The following TYMS variants were observed in gnomAD, a reference collection of about 807,000 sequenced individuals.
TYMS encodes the protein thymidylate synthetase.
In TYMS, 21 loss-of-function variants were observed where a neutral mutation model predicts 39.3. The ratio of observed to expected loss-of-function variants is 0.54; its 90% CI spans 0.38 to 0.77. The LOEUF (loss-of-function observed/expected upper bound fraction) is 0.77, where lower values mean the gene tolerates loss of function less well. TYMS is among the 30% of genes least tolerant of loss of function. The pLI, the probability that TYMS is intolerant of heterozygous loss-of-function variation, is 0.00. For missense variants in TYMS, 273 were observed against 406.7 expected, an observed-to-expected ratio of 0.67 and a Z score of 2.83; for synonymous variants, 171 against 162.2, an observed-to-expected ratio of 1.05 and a Z score of -0.41.
chr18:667,005 TGATGGTGATGGAGATGGA>T (rs1567989782), intron 3 of TYMS, among the ~76,000 whole-genome samples: 360 of 4,924 alleles, frequency 0.073, 43 homozygotes, highest in Middle Eastern at 0.17. Flanking sequence ...ATGGAGATGG[TGATGGTGATGGAGATGGA>T]GATGGTGATG....
At chr18:659,202 G>A (rs1053537724) in intron 1 of TYMS, among the ~76,000 whole-genome samples, 8 of 152,266 alleles carry the variant, frequency 5.3e-5, no homozygotes, top group Admixed American at 3.3e-4. Context: ...GCGGATGAAC[G>A]AGGACTGCAT....
chr18:669,366 ATTTTT>A (rs68090938), intron 4 of TYMS, 193 bp downstream of exon 4: 670 of 191,712 alleles, frequency 3.5e-3, no homozygotes, highest in Middle Eastern at 0.017. Context: ...GGCCCAGAGG[ATTTTT>A]TTTTTTTTTT....
chr18:672,598 A>G (rs1598484529), intron 6 of TYMS: 3 of 296,128 alleles, frequency 1.0e-5, no homozygotes, highest in East Asian at 5.2e-5. Context: ...AAGAGTGGTT[A>G]TAAGAACTTA....
In TYMS at chr18:657,672, C is replaced by T; in HGVS notation, c.-71C>T. On this transcript the variant is annotated 5_prime_UTR_variant, in exon 1 of 7. Transcript: ENST00000323274. ...CGCGCCACTTGGCCTGCCTCCGTCC[C>T]GCCGCGCCACTTGGCCTGCCTCCGT... 3 of 369,102 alleles carry T rather than the reference C, an allele frequency of 8.1e-6. No individual in the cohort carries two copies. Among genetic ancestry groups the T allele is most frequent in the East Asian group, 5.4e-5 (1 of 18,598 alleles). The allele number at this position is 369,102 out of a possible 1,614,324, so 22.9% of individuals were successfully genotyped here. A position where few individuals can be genotyped will look rare whatever the true frequency, so the allele number is the denominator to read the frequency against.
At chr18:666,606 A>AC (rs1470134235) in intron 3 of TYMS, among the ~76,000 whole-genome samples, 1 of 152,186 alleles carries the variant, frequency 6.6e-6, no homozygotes, top group East Asian at 1.9e-4. Context: ...GTCTCATCTA[A>AC]GGGGACAGTC....
At chr18:665,227 TCTTC>T (rs1230058229) in intron 3 of TYMS, among the ~76,000 whole-genome samples, 1 of 151,092 alleles carries the variant, frequency 6.6e-6, no homozygotes, top group African/African-American at 2.4e-5. Flanking sequence ...AGATTCAACT[TCTTC>T]CTGGTTTAGT....
chr18:670,873 C>T lies in TYMS; in HGVS notation c.732+6C>T, dbSNP rs776066230. The T allele has an allele frequency of 1.5e-5, 24 of 1,613,666 alleles. No homozygotes were observed. The highest frequency in any genetic ancestry group is 1.9e-5 in the Non-Finnish European group (23 of 1,179,756). ...CGCACATCACGGGCCTGAAGGTGGG[C>T]TGTCTCGGGAAGGGTGACTTGCCAG... On this transcript the variant is annotated splice_donor_region_variant and intron_variant, in intron 5 of 6. Transcript: ENST00000323274.
intron 3 of TYMS, among the ~76,000 whole-genome samples, chr18:667,949 T>TAG (rs2144325354): frequency 6.6e-6 from 1 of 152,052 alleles, no homozygotes; most frequent in African/African-American, 2.4e-5. Context: ...GTAGGAAAGT[T>TAG]TGTCCCTTTT....
intron 3 of TYMS, among the ~76,000 whole-genome samples, chr18:666,987 T>A (rs868798037): frequency 0.046 from 234 of 5,126 alleles, 12 homozygotes; most frequent in Admixed American, 0.087. Context: ...ATGGAGATGG[T>A]GATGGTGATG....
At chr18:661,514 T>C (rs2074755366) in intron 2 of TYMS, among the ~76,000 whole-genome samples, 2 of 152,234 alleles carry the variant, frequency 1.3e-5, no homozygotes, top group African/African-American at 4.8e-5. Context: ...GACAACACAT[T>C]TCATTAAGAA....
In TYMS at chr18:673,177, C is replaced by T. The variant is rs1055381821; in HGVS notation, c.*180C>T. On this transcript the variant is annotated 3_prime_UTR_variant, in exon 7 of 7. Transcript: ENST00000323274. ...GCAAATGTAACTGTGCCAGTTCTTT[C>T]CATAATAAAAGGCTTTGAGTTAACT... 1 of 585,020 alleles carries T rather than the reference C, an allele frequency of 1.7e-6. No homozygotes were observed. Among genetic ancestry groups the T allele is most frequent in the Non-Finnish European group, 2.7e-6 (1 of 369,232 alleles). The allele number at this position is 585,020 out of a possible 1,614,324, so 36.2% of individuals were successfully genotyped here. A position where few individuals can be genotyped will look rare whatever the true frequency, so the allele number is the denominator to read the frequency against.
rs1383033055 is a variant in TYMS, at chr18:658,312, CTCAAAG to C, written c.205+368_205+373del. On this transcript the variant is annotated intron_variant, in intron 1 of 6. Coordinates refer to ENST00000323274, the MANE Select transcript of TYMS (RefSeq NM_001071.4). The surrounding 1 kb of genome is among the most constrained non-coding windows in gnomAD (Gnocchi z 4.5). ...TGCCTGGGCTTGACCGCGCGCCGGT[CTCAAAG>C]TCCTGGCTTTGGCCCCTCCTCCGTT... 1.4e-6 allele frequency: 2 copies of C among 1,380,042 alleles called. No individual in the cohort carries two copies. The highest frequency in any genetic ancestry group is 1.9e-6 in the Non-Finnish European group (2 of 1,039,118). 85.5% of individuals were successfully genotyped at this position (1,380,042 alleles called of 1,614,324 possible).
Position 658,143 on chromosome 18 carries a change from AAC to A in TYMS, c.205+204_205+205del. 6.3e-7 allele frequency: 1 copy of A among 1,586,370 alleles called. No individual in the cohort carries two copies. The highest frequency in any genetic ancestry group is 8.6e-7 in the Non-Finnish European group (1 of 1,169,376). On this transcript the variant is annotated intron_variant, in intron 1 of 6. Transcript: ENST00000323274. The surrounding 1 kb of genome is among the most constrained non-coding windows in gnomAD (Gnocchi z 4.5). ...CATTAGGGACGTGACTGGCGCGGGC[AAC>A]ACACACAGCAGCGACAGCCGGGAGG...
At chr18:659,466 C>G (rs144257651) in intron 1 of TYMS, among the ~76,000 whole-genome samples, 175 bp from the exon 2 acceptor site, 14 of 152,298 alleles carry the variant, frequency 9.2e-5, no homozygotes, top group Non-Finnish European at 2.1e-4. Flanking sequence ...AATCGGGCCA[C>G]TGATGGGACT....
intron 2 of TYMS, among the ~76,000 whole-genome samples, chr18:661,081 A>C (rs1198639014): frequency 6.6e-6 from 1 of 152,240 alleles, no homozygotes; most frequent in Non-Finnish European, 1.5e-5. Flanking sequence ...GTCTGAATGG[A>C]TGAAAAGGAG....
At chr18:664,652 G>C (rs78060943) in intron 3 of TYMS, among the ~76,000 whole-genome samples, 73,607 of 139,320 alleles carry the variant, frequency 0.53, 20,808 homozygotes, top group African/African-American at 0.76. Context: ...TTGGCTGTGG[G>C]TTTGTCATAG....
Position 657,697 on chromosome 18 carries a change from T to TCCCG in TYMS, c.-43_-40dup, listed in dbSNP as rs2074700309. 3 of 1,268,768 alleles carry TCCCG rather than the reference T, an allele frequency of 2.4e-6. No individual in the cohort carries two copies. Among genetic ancestry groups the TCCCG allele is most frequent in the Non-Finnish European group, 3.0e-6 (3 of 997,074 alleles). The allele number at this position is 1,268,768 out of a possible 1,614,324, so 78.6% of individuals were successfully genotyped here. On this transcript the variant is annotated 5_prime_UTR_variant, in exon 1 of 7. Coordinates refer to ENST00000323274, the MANE Select transcript of TYMS (RefSeq NM_001071.4). The stretch of plus-strand genomic sequence containing the variant: ...CGCCGCGCCACTTGGCCTGCCTCCG[T>TCCCG]CCCGCCGCGCCACTTCGCCTGCCTC...
At chr18:669,349 G>A (rs2074934359) in intron 4 of TYMS, 176 bp downstream of exon 4, 1 of 500,196 alleles carries the variant, frequency 2.0e-6, no homozygotes, top group Non-Finnish European at 3.6e-6. Flanking sequence ...TTCAGATCAT[G>A]AGGTTGGGCC....
At chr18:670,413 T>G (rs2144355353) in intron 4 of TYMS, 2 of 353,696 alleles carry the variant, frequency 5.7e-6, no homozygotes, top group African/African-American at 2.1e-5. Flanking sequence ...GTATTTGTAA[T>G]CTGGTGCCAC....
Sources: gnomAD v4.1 joint callset for allele counts (sites outside exome capture counted in the v4.1 genomes callset) on GRCh38, gnomAD v4.1.1 for gene constraint, Gnocchi (gnomAD v3.1) non-coding constraint, MANE v1.5 for transcripts, NCBI Gene and HGNC (gene_info 2026-07-23, HGNC 2026-07-21) for gene names.